Variants in USP49 observed in about 807,000 individuals in gnomAD.
USP49 encodes ubiquitin specific peptidase 49, also known as ubiquitin carboxyl-terminal hydrolase 49.
In USP49, 24 loss-of-function variants were observed where a neutral mutation model predicts 58.6. The observed-to-expected ratio is 0.41, with a 90% CI of 0.30 to 0.58. The LOEUF (loss-of-function observed/expected upper bound fraction) is 0.58. Ranked by LOEUF, USP49 falls within the 20% of genes least tolerant of loss-of-function variation. The pLI is 0.30. For synonymous variants in USP49, 408 were observed against 365.1 expected (o/e 1.12, Z -1.34); for missense variants, 703 against 866.1 (o/e 0.81, Z 2.36).
At chr6:41,802,428 T>TTTTATTTTATTTTATTTTATTTTATTTA (rs10688447) in intron 5 of USP49, among the ~76,000 whole-genome samples, 116 of 106,420 alleles carry the variant, frequency 1.1e-3, no homozygotes, top group East Asian at 1.8e-3. Flanking sequence ...TTTTATTTTA[T>TTTTATTTTATTTTATTTTATTTTATTTA]TTTATTTATT....
chr6:41,806,127 G>A lies in USP49; in HGVS notation c.857C>T (p.Pro286Leu), dbSNP rs756903919. 2 of 1,613,916 alleles carry A rather than the reference G, an allele frequency of 1.2e-6. No individual in the cohort carries two copies. Among genetic ancestry groups the A allele is most frequent in the East Asian group, 2.2e-5 (1 of 44,886 alleles). Residue 286 changes from proline to leucine, a missense_variant, in exon 4 of 8, where the codon CCT (proline) becomes CTT (leucine). Pro to Leu is a moderately conservative substitution (Grantham distance 98). Coordinates refer to ENST00000682992, the MANE Select transcript of USP49 (RefSeq NM_001286554.2). The surrounding 1 kb of genome is among the most constrained non-coding windows in gnomAD (Gnocchi z 5.9). ...KFRECFLNLD[P>L]SKTEHLFPKA... The stretch of plus-strand genomic sequence containing the variant: ...GGGAAACAGATGTTCCGTTTTGGAA[G>A]GGTCAAGGTTGAGGAAACATTCTCG...
intron 3 of USP49, among the ~76,000 whole-genome samples, chr6:41,833,284 G>A (rs9357367): frequency 0.19 from 28,137 of 151,938 alleles, 3,176 homozygotes; most frequent in East Asian, 0.29. Flanking sequence ...CCAAAATGCT[G>A]GGATTACAGG....
chr6:41,886,021 A>G (rs1774704382), intron 2 of USP49, among the ~76,000 whole-genome samples: 1 of 152,236 alleles, frequency 6.6e-6, no homozygotes. Context: ...TTCTTTTAAG[A>G]GTATATTCAA....
Position 41,805,685 on chromosome 6 carries a change from G to A in USP49, c.1299C>T (p.Leu433=). 1 of 1,614,174 alleles carries A rather than the reference G, an allele frequency of 6.2e-7. No homozygotes were observed. Among genetic ancestry groups the A allele is most frequent in the Non-Finnish European group, 8.5e-7 (1 of 1,180,024 alleles). The change falls in exon 4 of 8, where the codon CTC becomes CTT. Residue 433 remains leucine (L), a synonymous_variant. Transcript: ENST00000682992. ...RILIPFSQRK[L]TKQVLKVVNT... is the part of the protein sequence containing the mutation. ...TCACCACCTTTAAGACCTGTTTGGTGAGCTTCCTCTGGGAGAAGGGGATGA... is the reference window on the plus strand; with the variant it reads ...TCACCACCTTTAAGACCTGTTTGGTAAGCTTCCTCTGGGAGAAGGGGATGA...
chr6:41,836,325 T>G (rs140893200), intron 3 of USP49, among the ~76,000 whole-genome samples: 175 of 152,302 alleles, frequency 1.1e-3, no homozygotes, highest in African/African-American at 3.9e-3. Context: ...TCAACATTGC[T>G]TCATGTTGAA....
chr6:41,844,729 T>C (rs908479758), intron 3 of USP49, among the ~76,000 whole-genome samples: 3 of 149,092 alleles, frequency 2.0e-5, no homozygotes, highest in Admixed American at 6.7e-5. Context: ...TATCCATTTA[T>C]ACATTTCATT....
In USP49 at chr6:41,789,976, T is replaced by C. The variant is rs528286396; in HGVS notation, c.*6557A>G. The C allele has an allele frequency of 6.6e-6, 1 of 152,240 alleles. No homozygotes were observed. Among genetic ancestry groups the C allele is most frequent in the African/African-American group, 2.4e-5 (1 of 41,518 alleles). 9.4% of individuals were successfully genotyped at this position (152,240 alleles called of 1,614,324 possible). ...ATTTACAAAAATCATAAAAACATGA[T>C]TTATATTTCACACTTGAGAGACAAA... On this transcript the variant is annotated 3_prime_UTR_variant, in exon 8 of 8. Coordinates refer to ENST00000682992, the MANE Select transcript of USP49 (RefSeq NM_001286554.2).
chr6:41,834,174 G>A (rs569173939), intron 3 of USP49, among the ~76,000 whole-genome samples: 1 of 152,266 alleles, frequency 6.6e-6, no homozygotes, highest in South Asian at 2.1e-4. Flanking sequence ...TCCTTGAGAT[G>A]TCTGACCTAT....
chr6:41,805,965 C>A lies in USP49; in HGVS notation c.1019G>T (p.Arg340Leu). The A allele has an allele frequency of 6.2e-7, 1 of 1,613,872 alleles. No individual in the cohort carries two copies. The highest frequency in any genetic ancestry group is 2.2e-5 in the East Asian group (1 of 44,884). Residue 340 changes from arginine (R) to leucine (L), a missense_variant, in exon 4 of 8, where the codon CGG (arginine) becomes CTG (leucine). Physicochemically the swap from Arg to Leu is moderately radical, Grantham distance 102. Around this residue, in one of 6 missense-constraint regions of USP49, gnomAD observed 97 missense variants for 88.0 expected, o/e 1.10. Coordinates refer to ENST00000682992, the MANE Select transcript of USP49 (RefSeq NM_001286554.2). ...FCWNGRASISRSLELIQNKEP... is the reference protein window; with the variant it reads ...FCWNGRASISLSLELIQNKEP... ...CTTGTTCTGGATGAGCTCCAGACTC[C>A]GACTAATGGAGGCCCTGCCGTTCCA...
At position 41,798,826 on chromosome 6, in the gene USP49, C is replaced by G; in HGVS notation, c.1774G>C (p.Asp592His). The G allele has an allele frequency of 1.2e-6, 2 of 1,613,872 alleles. No individual in the cohort carries two copies. Among genetic ancestry groups the G allele is most frequent in the South Asian group, 2.2e-5 (2 of 91,056 alleles). ...YCCRDMLSSLDKETFAYDLSA... is the reference protein window; with the variant it reads ...YCCRDMLSSLHKETFAYDLSA... ...AGATCATAGGCAAAGGTCTCTTTGT[C>G]AAGAGAGGAGAGCATGTCCCTGCAG... The change falls in exon 7 of 8, where the codon GAC becomes CAC. Residue 592 changes from aspartate to histidine, a missense_variant. Physicochemically the swap from Asp to His is moderately conservative, Grantham distance 81 (BLOSUM62 -1). This residue lies in a region of USP49 where 158 missense variants were observed against 241.2 expected (regional missense o/e 0.66). Coordinates refer to ENST00000682992, the MANE Select transcript of USP49 (RefSeq NM_001286554.2).
rs1242488969 is a variant in USP49, at chr6:41,803,034, C to CA, written c.1561+771dup. ...TACCAATCTTTAGCATCACTTTTGA[C>CA]AGACATTAAGTCTACCAGTTCAGTA... is the stretch of plus-strand genomic sequence containing the variant. On this transcript the variant is annotated intron_variant, in intron 5 of 7. Coordinates refer to ENST00000682992, the MANE Select transcript of USP49 (RefSeq NM_001286554.2). The surrounding 1 kb of genome is among the most constrained non-coding windows in gnomAD (Gnocchi z 4.1). Among the ~76,000 whole-genome samples the CA allele has an allele frequency of 3.9e-5, 6 of 152,232 alleles. No individual in the cohort carries two copies. The highest frequency in any genetic ancestry group is 7.3e-5 in the Non-Finnish European group (5 of 68,042).
intron 3 of USP49, among the ~76,000 whole-genome samples, chr6:41,825,718 T>C (rs985799433): frequency 3.3e-4 from 50 of 152,328 alleles, no homozygotes; most frequent in African/African-American, 1.1e-3. Flanking sequence ...CAAGGTGTTG[T>C]GTGAGCCTGA....
intron 3 of USP49, among the ~76,000 whole-genome samples, chr6:41,859,103 C>T (rs1774177459): frequency 6.6e-6 from 1 of 152,342 alleles, no homozygotes; most frequent in East Asian, 1.9e-4. Flanking sequence ...GGTCTTCCTG[C>T]ATTCAGCCTA....
intron 3 of USP49, among the ~76,000 whole-genome samples, chr6:41,857,024 G>C (rs1461279125): frequency 6.6e-6 from 1 of 152,176 alleles, no homozygotes; most frequent in South Asian, 2.1e-4. Context: ...GATAAGGGGA[G>C]CCTATTGTTC....
In USP49 at chr6:41,806,439, T is replaced by A; in HGVS notation, c.545A>T (p.Lys182Met). 6.3e-7 allele frequency: 1 copy of A among 1,586,594 alleles called. No homozygotes were observed. Among genetic ancestry groups the A allele is most frequent in the East Asian group, 2.2e-5 (1 of 44,748 alleles). Residue 182 changes from lysine (K) to methionine (M), a missense_variant, in exon 4 of 8, where the codon AAG (lysine) becomes ATG (methionine). By Grantham distance (95) the Lys-to-Met change is moderately conservative (BLOSUM62 -1). Around this residue, in one of 6 missense-constraint regions of USP49, gnomAD observed 376 missense variants for 373.5 expected, o/e 1.01. Coordinates refer to ENST00000682992, the MANE Select transcript of USP49 (RefSeq NM_001286554.2). The surrounding 1 kb of genome is among the most constrained non-coding windows in gnomAD (Gnocchi z 5.9). ...GCGCCGCCGCCTCCGCGCCTCCTCC[T>A]TCTTGCGCTCCAGGGCCTCCTCCTG... ...RRQEEALERK[K>M]EEARRRRREV... is the part of the protein sequence containing the mutation.
At chr6:41,831,443 G>T (rs1334933496) in intron 3 of USP49, among the ~76,000 whole-genome samples, 1 of 151,664 alleles carries the variant, frequency 6.6e-6, no homozygotes, top group Non-Finnish European at 1.5e-5. Context: ...AGCTGGGCGT[G>T]GTGGTGCGCA....
At chr6:41,869,422 T>C (rs1281937652) in intron 3 of USP49, among the ~76,000 whole-genome samples, 2 of 150,884 alleles carry the variant, frequency 1.3e-5, no homozygotes, top group Non-Finnish European at 3.0e-5. Context: ...GAAAAAAAAA[T>C]ACTTCAAGCT....
At chr6:41,845,210 C>T (rs747222191) in intron 3 of USP49, among the ~76,000 whole-genome samples, 13 of 151,760 alleles carry the variant, frequency 8.6e-5, no homozygotes, top group South Asian at 2.1e-4. Flanking sequence ...CTTTCTGTTA[C>T]GTTTTTACAT....
chr6:41,798,659 CA>C (rs764375388), intron 7 of USP49, 64 bp downstream of exon 7: 2 of 1,610,448 alleles, frequency 1.2e-6, no homozygotes, highest in South Asian at 2.2e-5. Context: ...AAAAGGAAAA[CA>C]ATAAAATGTG....
Sources: gnomAD v4.1 joint callset for allele counts (sites outside exome capture counted in the v4.1 genomes callset) on GRCh38, gnomAD v4.1.1 for gene constraint, gnomAD v4.1.1 regional missense constraint, Gnocchi (gnomAD v3.1) non-coding constraint, MANE v1.5 for transcripts, NCBI Gene and HGNC (gene_info 2026-07-23, HGNC 2026-07-21) for gene names.